The following ADAMTS9 variants were observed in gnomAD, a reference collection of about 807,000 sequenced individuals.
The protein encoded by ADAMTS9 is ADAM metallopeptidase with thrombospondin type 1 motif 9.
A neutral mutation model predicts 257.1 loss-of-function variants in ADAMTS9; 107 were observed. That is an observed-to-expected ratio of 0.42 (90% CI 0.36 to 0.49). The LOEUF (loss-of-function observed/expected upper bound fraction) is 0.49. ADAMTS9 is among the 20% of genes least tolerant of loss of function. The pLI is 0.03. For missense variants in ADAMTS9, 2,353 were observed against 2,469.1 expected (o/e 0.95, Z 1.00); for synonymous variants, 982 against 880.9 (o/e 1.11, Z -2.03).
rs202044216 is a variant in ADAMTS9 at position 64,541,852 on chromosome 3, C to T, written c.5183G>A (p.Arg1728His). Residue 1728 changes from arginine to histidine, a missense_variant, in exon 33 of 40, where the codon CGT becomes CAT. Transcript: ENST00000498707. ...DLKPEERKTC[R>H]NVYNCELPQN... is the part of the protein sequence containing the mutation. ...GGCCAACTTACAGTTATAGACATTACGGCAGGTTTTTCGTTCTTCTGGCTT... is the reference window on the plus strand; with the variant it reads ...GGCCAACTTACAGTTATAGACATTATGGCAGGTTTTTCGTTCTTCTGGCTT... The T allele has an allele frequency of 2.2e-5, 36 of 1,614,028 alleles. No homozygotes were observed. Among genetic ancestry groups the T allele is most frequent in the South Asian group, 3.3e-5 (3 of 91,078 alleles).
intron 28 of ADAMTS9, among the ~76,000 whole-genome samples, chr3:64,582,335 C>T (rs996160889): frequency 6.6e-6 from 1 of 152,104 alleles, no homozygotes; most frequent in East Asian, 1.9e-4. Context: ...TTTTAAAAAC[C>T]CAGACAAAGT....
Position 64,686,710 on chromosome 3 carries a change from G to A in ADAMTS9, c.374C>T (p.Thr125Ile), listed in dbSNP as rs774645063. The A allele has an allele frequency of 6.8e-6, 11 of 1,614,128 alleles. No individual in the cohort carries two copies. The highest frequency in any genetic ancestry group is 6.6e-5 in the South Asian group (6 of 91,096). Residue 125 changes from threonine to isoleucine, a missense_variant, in exon 2 of 40, where the codon ACT becomes ATT. Thr to Ile is a moderately conservative substitution (Grantham distance 89). Transcript: ENST00000498707. The surrounding 1 kb of genome is among the most constrained non-coding windows in gnomAD (Gnocchi z 4.6). ...CCCGGGCGTCCCGAGGAGGGTGACA[G>A]TGAACAGTGGAGCGATAAATCCGGC... ...ANAGFIAPLF[T>I]VTLLGTPGVN...
intron 28 of ADAMTS9, among the ~76,000 whole-genome samples, chr3:64,575,760 C>T (rs922985767): frequency 6.6e-6 from 1 of 152,106 alleles, no homozygotes; most frequent in African/African-American, 2.4e-5. Flanking sequence ...AGTAACTGTA[C>T]CCAATATCAC....
Position 64,541,224 on chromosome 3 carries a change from G to A in ADAMTS9, c.5392C>T (p.His1798Tyr). 2 of 1,614,206 alleles carry A rather than the reference G, an allele frequency of 1.2e-6. No individual in the cohort carries two copies. The highest frequency in any genetic ancestry group is 2.2e-5 in the South Asian group (2 of 91,088). ...NFSEVYGHRL[H>Y]NPTECPYNGS... ...TTATAGGGACATTCTGTTGGGTTGT[G>A]TAACCTAAATTATACAGAGAATGTT... The change falls in exon 36 of 40, where the codon CAC becomes TAC. Residue 1798 changes from histidine (H) to tyrosine (Y), a missense_variant. Physicochemically the swap from His to Tyr is moderately conservative, Grantham distance 83. Transcript: ENST00000498707.
Position 64,681,351 on chromosome 3 carries a change from G to T in ADAMTS9, c.529C>A (p.Arg177=), listed in dbSNP as rs759604174. The change falls in exon 3 of 40, where the codon CGG becomes AGG. Residue 177 remains arginine, a synonymous_variant. Transcript: ENST00000498707. ...ATAAAATAATCCCCATCATGAGACCGGAATGTGCCCAGCTGCAAATGAAGA... is the reference window on the plus strand; with the variant it reads ...ATAAAATAATCCCCATCATGAGACCTGAATGTGCCCAGCTGCAAATGAAGA... ...SLCSGMLGTF[R]SHDGDYFIEP... The T allele has an allele frequency of 1.2e-6, 2 of 1,610,892 alleles. No homozygotes were observed. Among genetic ancestry groups the T allele is most frequent in the Middle Eastern group, 1.7e-4 (1 of 6,056 alleles).
chr3:64,649,487 C>T lies in ADAMTS9; in HGVS notation c.1605+150G>A, dbSNP rs1052299017. 9.1e-6 allele frequency: 8 copies of T among 877,402 alleles called. No individual in the cohort carries two copies. The Admixed American group carries it at 2.6e-4, about 28-fold the overall frequency. 54.4% of individuals were successfully genotyped at this position (877,402 alleles called of 1,614,324 possible). Reference sequence around the variant, plus strand: ...CTGAGCAGCAGTACTGTTGTGTCATCCTCATAATTATTATGATCACTAATA... The same window carrying T: ...CTGAGCAGCAGTACTGTTGTGTCATTCTCATAATTATTATGATCACTAATA... On this transcript the variant is annotated intron_variant, in intron 10 of 39. Coordinates refer to ENST00000498707, the MANE Select transcript of ADAMTS9 (RefSeq NM_182920.2).
chr3:64,659,235 A>T (rs1426874821), intron 3 of ADAMTS9, among the ~76,000 whole-genome samples: 1 of 152,196 alleles, frequency 6.6e-6, no homozygotes, highest in Non-Finnish European at 1.5e-5. Context: ...TGGGAGGCCG[A>T]GGCAGGTGAA....
At chr3:64,658,874 G>A (rs1244314205) in intron 3 of ADAMTS9, 83 bp from the exon 4 acceptor site, 4 of 1,416,986 alleles carry the variant, frequency 2.8e-6, no homozygotes, top group African/African-American at 1.4e-5. Context: ...ATTTTAAATT[G>A]ATCCCTCTGT....
chr3:64,613,889 T>C (rs758157413), intron 21 of ADAMTS9, among the ~76,000 whole-genome samples: 7 of 152,186 alleles, frequency 4.6e-5, no homozygotes, highest in Non-Finnish European at 1.0e-4. Context: ...TTCTCATCTG[T>C]AAAATGAGAA....
intron 28 of ADAMTS9, among the ~76,000 whole-genome samples, chr3:64,574,469 T>C (rs957538882): frequency 2.7e-5 from 4 of 145,468 alleles, no homozygotes; most frequent in African/African-American, 1.0e-4. Context: ...ATGACTTTAA[T>C]GCCAGAATTT....
At chr3:64,597,514 T>C (rs1576098833) in intron 26 of ADAMTS9, among the ~76,000 whole-genome samples, 2 of 152,238 alleles carry the variant, frequency 1.3e-5, no homozygotes, top group East Asian at 3.8e-4. Context: ...CATTTAGACA[T>C]CATTTCCTAG....
chr3:64,568,269 TA>T, intron 29 of ADAMTS9, 98 bp downstream of exon 29: 1 of 1,405,402 alleles, frequency 7.1e-7, no homozygotes, highest in Non-Finnish European at 9.5e-7. Context: ...CTCCCCTCGG[TA>T]AAACCAAAAC....
At position 64,686,537 on chromosome 3, in the gene ADAMTS9, A is replaced by G; in HGVS notation, c.516+31T>C. The G allele has an allele frequency of 6.4e-7, 1 of 1,562,598 alleles. No individual in the cohort carries two copies. The highest frequency in any genetic ancestry group is 8.7e-7 in the Non-Finnish European group (1 of 1,153,324). ...TTCTAGAAGCGGGCGAGGAGGCGGA[A>G]GGGGAGAGGAGGTGGCGCGCGCCCA... On this transcript the variant is annotated intron_variant, in intron 2 of 39. Coordinates refer to ENST00000498707, the MANE Select transcript of ADAMTS9 (RefSeq NM_182920.2). The surrounding 1 kb of genome is among the most constrained non-coding windows in gnomAD (Gnocchi z 4.6).
At chr3:64,669,779 T>C (rs754139320) in intron 3 of ADAMTS9, among the ~76,000 whole-genome samples, 1 of 152,100 alleles carries the variant, frequency 6.6e-6, no homozygotes, top group African/African-American at 2.4e-5. Context: ...TTTGCTGATG[T>C]TAAATTATAT....
chr3:64,530,038 G>T (rs997699956), intron 38 of ADAMTS9, among the ~76,000 whole-genome samples: 20 of 127,522 alleles, frequency 1.6e-4, no homozygotes, highest in African/African-American at 5.4e-4. Context: ...TGCCCAAGCT[G>T]GTCTTGAATT....
At chr3:64,592,351 C>T (rs1418747809) in intron 28 of ADAMTS9, 1 of 152,188 alleles carries the variant, frequency 6.6e-6, no homozygotes, top group Non-Finnish European at 1.5e-5. Context: ...CTTTCTCTCT[C>T]TCTCTTTCTT....
At chr3:64,548,723 G>A (rs1310517087) in intron 31 of ADAMTS9, among the ~76,000 whole-genome samples, 1 of 152,216 alleles carries the variant, frequency 6.6e-6, no homozygotes, top group African/African-American at 2.4e-5. Flanking sequence ...TCAGCTAGCT[G>A]ATATCAGCAT....
intron 12 of ADAMTS9, among the ~76,000 whole-genome samples, chr3:64,641,075 A>C (rs1210123054): frequency 6.6e-6 from 1 of 152,084 alleles, no homozygotes; most frequent in Non-Finnish European, 1.5e-5. Flanking sequence ...ATCACAGAAC[A>C]CATTATTGGT....
At chr3:64,624,215 A>G (rs1286053094) in intron 16 of ADAMTS9, among the ~76,000 whole-genome samples, 2 of 151,652 alleles carry the variant, frequency 1.3e-5, no homozygotes, top group African/African-American at 4.9e-5. Flanking sequence ...GTAGATGATA[A>G]GTGTTGAAAT....
Sources: gnomAD v4.1 joint callset for allele counts (sites outside exome capture counted in the v4.1 genomes callset) on GRCh38, gnomAD v4.1.1 for gene constraint, Gnocchi (gnomAD v3.1) non-coding constraint, MANE v1.5 for transcripts, NCBI Gene and HGNC (gene_info 2026-07-23, HGNC 2026-07-21) for gene names.